MAP4K4: variants seen among roughly 807,000 people sequenced by gnomAD.
The protein encoded by MAP4K4 is HPK/GCK-like kinase HGK.
Under a neutral mutation model 189.6 loss-of-function variants are expected in MAP4K4, and 38 were observed. That is an observed-to-expected ratio of 0.20 (90% CI 0.15 to 0.26). The LOEUF is 0.26. Ranked by LOEUF, MAP4K4 falls within the 10% of genes least tolerant of loss-of-function variation. MAP4K4 has a pLI of 1.00. For missense variants in MAP4K4, 1,054 were observed against 1,726.9 expected (o/e 0.61, Z 6.91); for synonymous variants, 610 against 624.3 (o/e 0.98, Z 0.34).
At chr2:101,849,948 T>C (rs1320803869) in intron 12 of MAP4K4, among the ~76,000 whole-genome samples, 1 of 152,184 alleles carries the variant, frequency 6.6e-6, no homozygotes, top group African/African-American at 2.4e-5. Flanking sequence ...AGTTTTCTGC[T>C]ACTTGTAATT....
rs377722729 is a variant in MAP4K4 at position 101,844,055 on chromosome 2, C to T, written c.1023-46C>T. Reference sequence around the variant, plus strand: ...TGGTGCTATTGACTCACTTATAGGACAGTGTGATCGGTGCACACCCCTGAA... The same window carrying T: ...TGGTGCTATTGACTCACTTATAGGATAGTGTGATCGGTGCACACCCCTGAA... On this transcript the variant is annotated intron_variant, in intron 11 of 32. Transcript: ENST00000324219. 4.6e-5 allele frequency: 62 copies of T among 1,337,356 alleles called. No homozygotes were observed. In the African/African-American group the frequency reaches 7.6e-4, roughly 16 times the overall value. 82.8% of individuals were successfully genotyped at this position (1,337,356 alleles called of 1,614,324 possible).
chr2:101,811,946 TG>T (rs2095454922), intron 3 of MAP4K4, among the ~76,000 whole-genome samples: 2 of 152,194 alleles, frequency 1.3e-5, no homozygotes, highest in Non-Finnish European at 2.9e-5. Flanking sequence ...GGGTCTTCAC[TG>T]GAGACATTTA....
chr2:101,886,664 ATTG>A (rs1464896167), intron 29 of MAP4K4, among the ~76,000 whole-genome samples: 1 of 152,152 alleles, frequency 6.6e-6, no homozygotes, highest in Non-Finnish European at 1.5e-5. Context: ...TTTGTAGAGT[ATTG>A]TTGCCTTACG....
chr2:101,801,379 C>G (rs1558986024), intron 3 of MAP4K4, among the ~76,000 whole-genome samples: 1 of 152,114 alleles, frequency 6.6e-6, no homozygotes, highest in South Asian at 2.1e-4. Flanking sequence ...CACAGACTTC[C>G]CAGAGTCCTA....
At chr2:101,766,881 G>A (rs1406776672) in intron 2 of MAP4K4, among the ~76,000 whole-genome samples, 1 of 152,202 alleles carries the variant, frequency 6.6e-6, no homozygotes, top group Non-Finnish European at 1.5e-5. Context: ...AACAAAAGCA[G>A]AGACTTACTG....
chr2:101,850,946 A>G (rs113033387), intron 12 of MAP4K4, among the ~76,000 whole-genome samples: 1 of 149,680 alleles, frequency 6.7e-6, no homozygotes, highest in African/African-American at 2.6e-5. Flanking sequence ...ACATGACCGC[A>G]GAAGTTCTTG....
intron 16 of MAP4K4, 119 bp downstream of exon 16, chr2:101,861,105 C>A: frequency 2.2e-6 from 2 of 926,636 alleles, no homozygotes; most frequent in Non-Finnish European, 1.6e-6. Context: ...GAGAGATTAG[C>A]AGGAGTGAGT....
chr2:101,842,726 T>C lies in MAP4K4; in HGVS notation c.1022+45T>C, dbSNP rs533608551. The C allele has an allele frequency of 6.0e-6, 9 of 1,499,192 alleles. No homozygotes were observed. The South Asian group carries it at 6.0e-5, about 10-fold the overall frequency. 92.9% of individuals were successfully genotyped at this position (1,499,192 alleles called of 1,614,324 possible). ...TCAGTATCCTGCTTTATGAAGGGAT[T>C]AAGTTTTATGTTGTGCCAGGACTGC... On this transcript the variant is annotated intron_variant, in intron 11 of 32. Transcript: ENST00000324219.
At chr2:101,891,185 G>C in exon 33 of MAP4K4, 3 of 1,613,758 alleles carry the variant, frequency 1.9e-6, no homozygotes, top group Non-Finnish European at 2.5e-6. Flanking sequence ...GCCTCTGTTC[G>C]GTCTGGTGGC....
intron 7 of MAP4K4, 51 bp from the exon 8 acceptor site, chr2:101,834,358 G>A (rs1335529036): frequency 2.2e-6 from 3 of 1,377,476 alleles, no homozygotes; most frequent in Non-Finnish European, 3.1e-6. Flanking sequence ...ATGTAAGTTA[G>A]TGGCTTTGTA....
At chr2:101,704,594 A>C (rs2041227965) in intron 2 of MAP4K4, among the ~76,000 whole-genome samples, 1 of 32,906 alleles carries the variant, frequency 3.0e-5, no homozygotes, top group Non-Finnish European at 4.5e-5. Context: ...TTTTTTTGAG[A>C]TGGTGTCTCG....
Position 101,855,824 on chromosome 2 carries a change from G to T in MAP4K4, c.1234-153G>T, listed in dbSNP as rs117420767. On this transcript the variant is annotated intron_variant, in intron 12 of 32. Coordinates refer to ENST00000324219, the Ensembl canonical transcript of MAP4K4. ...TGAAGAAGCCCTTACTTATGGGTCC[G>T]AGGGGCAGTGTGGAAATAATTGGCC... 1.2e-3 allele frequency among the ~76,000 whole-genome samples: 182 copies of T among 152,276 alleles called. 2 individuals carry two copies. The East Asian group carries it at 0.033, about 28-fold the overall frequency.
chr2:101,762,754 A>G (rs1420074328), intron 2 of MAP4K4, among the ~76,000 whole-genome samples: 1 of 152,156 alleles, frequency 6.6e-6, no homozygotes, highest in East Asian at 1.9e-4. Flanking sequence ...GAGGGCTGTG[A>G]AGCTCTCTCT....
At chr2:101,804,197 C>G (rs2094668849) in intron 3 of MAP4K4, among the ~76,000 whole-genome samples, 1 of 152,094 alleles carries the variant, frequency 6.6e-6, no homozygotes, top group South Asian at 2.1e-4. Context: ...AACAGGGAAC[C>G]CAGATTATAT....
chr2:101,866,310 G>GT (rs1449682899), intron 18 of MAP4K4, 118 bp from the exon 19 acceptor site: 7 of 847,574 alleles, frequency 8.3e-6, no homozygotes, highest in South Asian at 2.1e-5. Flanking sequence ...TTTATAGACT[G>GT]TTTTTTGTCT....
At chr2:101,823,856 A>G in intron 3 of MAP4K4, 72 bp from the exon 4 acceptor site, 1 of 1,285,116 alleles carries the variant, frequency 7.8e-7, no homozygotes, top group Non-Finnish European at 1.1e-6. Context: ...TCATTATTGT[A>G]TGTAGTGTGG....
At chr2:101,838,980 C>T (rs1280510746) in intron 9 of MAP4K4, among the ~76,000 whole-genome samples, 1 of 152,180 alleles carries the variant, frequency 6.6e-6, no homozygotes, top group Non-Finnish European at 1.5e-5. Context: ...TTCAACCTTT[C>T]AGTGGGACAG....
intron 2 of MAP4K4, among the ~76,000 whole-genome samples, chr2:101,728,814 C>T (rs910122918): frequency 5.9e-5 from 9 of 152,158 alleles, no homozygotes; most frequent in African/African-American, 1.7e-4. Flanking sequence ...CCACCGTGCC[C>T]GACAGATCCC....
At chr2:101,883,859 C>T (rs994690197) in intron 28 of MAP4K4, among the ~76,000 whole-genome samples, 1 of 152,082 alleles carries the variant, frequency 6.6e-6, no homozygotes, top group African/African-American at 2.4e-5. Context: ...GTATCTCTGA[C>T]AGTTCTAATG....
Sources: gnomAD v4.1 joint callset for allele counts (sites outside exome capture counted in the v4.1 genomes callset) on GRCh38, gnomAD v4.1.1 for gene constraint, MANE v1.5 for transcripts, NCBI Gene and HGNC (gene_info 2026-07-23, HGNC 2026-07-21) for gene names.